The following NDST4 variants were observed in gnomAD, a reference collection of about 807,000 sequenced individuals.
The protein encoded by NDST4 is N-deacetylase and N-sulfotransferase 4, also known as N-heparan sulfate sulfotransferase 4.
A neutral mutation model predicts 100.8 loss-of-function variants in NDST4; 63 were observed. The observed-to-expected ratio is 0.62, with a 90% CI of 0.51 to 0.77. The LOEUF is 0.77. Ranked by LOEUF, NDST4 falls within the 30% of genes least tolerant of loss-of-function variation. The pLI, the probability that NDST4 is intolerant of heterozygous loss-of-function variation, is 0.00. For missense variants in NDST4, 943 were observed against 1,018.4 expected, an observed-to-expected ratio of 0.93 and a Z score of 1.01; for synonymous variants, 377 against 361.8, an observed-to-expected ratio of 1.04 and a Z score of -0.48.
chr4:114,995,632 AT>A (rs1727142683), intron 2 of NDST4, among the ~76,000 whole-genome samples: 1 of 152,046 alleles, frequency 6.6e-6, no homozygotes, highest in Non-Finnish European at 1.5e-5. Flanking sequence ...TGGGAATTTT[AT>A]TTGAATTCTC....
chr4:115,103,613 T>C (rs1017315425), intron 1 of NDST4, among the ~76,000 whole-genome samples: 12 of 151,816 alleles, frequency 7.9e-5, no homozygotes, highest in Admixed American at 2.0e-4. Context: ...CACAAAATGA[T>C]TGGATTATTC....
intron 2 of NDST4, among the ~76,000 whole-genome samples, chr4:115,056,682 T>C (rs764911424): frequency 1.3e-5 from 2 of 152,132 alleles, no homozygotes; most frequent in Non-Finnish European, 2.9e-5. Flanking sequence ...AAAACCAAAC[T>C]CTTCCCTGCA....
intron 2 of NDST4, among the ~76,000 whole-genome samples, chr4:115,017,907 T>C (rs1727721756): frequency 6.6e-6 from 1 of 151,890 alleles, no homozygotes; most frequent in South Asian, 2.1e-4. Flanking sequence ...GTTAGAACAA[T>C]TAGATATTCT....
In NDST4 at chr4:114,827,834, T is replaced by A. The variant is rs764830114; in HGVS notation, c.2601A>T (p.Glu867Asp). The A allele has an allele frequency of 5.0e-6, 8 of 1,611,898 alleles. No homozygotes were observed. The Admixed American group carries it at 1.2e-4, about 24-fold the overall frequency. The part of the protein sequence containing the change: ...GQPLPSWLRQ[E>D]LQKVR ...TCCAGTGCTATCTCACTTTCTGCAG[T>A]TCCTGTCTCAGCCACGATGGCAGAG... Residue 867 changes from glutamate to aspartate, a missense_variant, in exon 14 of 14, where the codon GAA becomes GAT. Transcript: ENST00000264363.
At chr4:115,041,114 T>G (rs1311457232) in intron 2 of NDST4, among the ~76,000 whole-genome samples, 1 of 152,090 alleles carries the variant, frequency 6.6e-6, no homozygotes, top group Non-Finnish European at 1.5e-5. Context: ...CCCTAATGAA[T>G]TAATGCATAG....
chr4:115,039,892 A>G (rs954194238), intron 2 of NDST4, among the ~76,000 whole-genome samples: 2 of 152,118 alleles, frequency 1.3e-5, no homozygotes, highest in East Asian at 1.9e-4. Flanking sequence ...AAAGAGCTCA[A>G]ATAATTCATT....
chr4:114,965,755 A>G (rs1726366139), intron 4 of NDST4, among the ~76,000 whole-genome samples: 1 of 152,090 alleles, frequency 6.6e-6, no homozygotes, highest in Non-Finnish European at 1.5e-5. Flanking sequence ...ACAACAAAAT[A>G]CAATTTTTAA....
intron 2 of NDST4, among the ~76,000 whole-genome samples, chr4:115,011,108 A>T (rs1035256176): frequency 2.6e-5 from 4 of 152,024 alleles, no homozygotes; most frequent in Non-Finnish European, 4.4e-5. Flanking sequence ...TAGATACAAA[A>T]AGGAAATTGA....
chr4:114,991,993 ATCTTTT>A (rs1396655304), intron 2 of NDST4, among the ~76,000 whole-genome samples: 2 of 151,954 alleles, frequency 1.3e-5, no homozygotes, highest in Non-Finnish European at 2.9e-5. Context: ...TAATCAGTAT[ATCTTTT>A]TCTTCAATAC....
chr4:114,922,823 C>G (rs1286744148), intron 6 of NDST4, among the ~76,000 whole-genome samples: 2 of 152,146 alleles, frequency 1.3e-5, no homozygotes, highest in East Asian at 3.9e-4. Flanking sequence ...ACCTATTGAG[C>G]CCATGCTCTA....
At chr4:115,105,956 T>C (rs1317791559) in intron 1 of NDST4, among the ~76,000 whole-genome samples, 1 of 152,158 alleles carries the variant, frequency 6.6e-6, no homozygotes, top group Non-Finnish European at 1.5e-5. Context: ...GCCAGATGTC[T>C]TCTCACATTT....
At chr4:114,880,765 C>T (rs1724350101) in intron 6 of NDST4, among the ~76,000 whole-genome samples, 1 of 152,074 alleles carries the variant, frequency 6.6e-6, no homozygotes, top group Non-Finnish European at 1.5e-5. Context: ...GATTATGATA[C>T]AATGTGAAAT....
At chr4:115,111,575 TTTA>T (rs1252968564) in intron 1 of NDST4, among the ~76,000 whole-genome samples, 1 of 150,694 alleles carries the variant, frequency 6.6e-6, no homozygotes, top group Admixed American at 6.7e-5. Flanking sequence ...TGCATTTTTA[TTTA>T]TTATTTATAT....
rs368421942 is a variant in NDST4, at chr4:114,829,774, A to T, written c.2499+16T>A. 75 of 1,572,236 alleles carry T rather than the reference A, an allele frequency of 4.8e-5. No individual in the cohort carries two copies. The highest frequency in any genetic ancestry group is 5.1e-5 in the Non-Finnish European group (59 of 1,163,354). On this transcript the variant is annotated intron_variant, in intron 13 of 13. Coordinates refer to ENST00000264363, the MANE Select transcript of NDST4 (RefSeq NM_022569.3). ...ATATTTTTGCTAGAGTAATTCAAAG[A>T]TTAAAAAATTATTACCTCTGGATCC...
intron 2 of NDST4, among the ~76,000 whole-genome samples, chr4:115,014,772 C>T: frequency 6.6e-6 from 1 of 152,022 alleles, no homozygotes; most frequent in Non-Finnish European, 1.5e-5. Flanking sequence ...TGTCATCCTC[C>T]TTGGATAACT....
chr4:114,864,671 C>G (rs1723987553), intron 7 of NDST4, among the ~76,000 whole-genome samples: 1 of 152,298 alleles, frequency 6.6e-6, no homozygotes, highest in South Asian at 2.1e-4. Flanking sequence ...TCCATGCAGT[C>G]CCTCAACTTC....
At chr4:114,876,065 T>A (rs1724248489) in intron 6 of NDST4, among the ~76,000 whole-genome samples, 2 of 152,172 alleles carry the variant, frequency 1.3e-5, no homozygotes, top group African/African-American at 4.8e-5. Flanking sequence ...TAGTCAGATA[T>A]TTGGTTCCTA....
intron 3 of NDST4, among the ~76,000 whole-genome samples, chr4:114,973,662 G>T (rs535301927): frequency 2.6e-5 from 4 of 151,820 alleles, no homozygotes; most frequent in Admixed American, 2.6e-4. Context: ...GTATGCTTCT[G>T]AAATTTCTTT....
intron 2 of NDST4, among the ~76,000 whole-genome samples, chr4:114,984,163 T>G (rs538984478): frequency 6.6e-5 from 10 of 150,988 alleles, no homozygotes; most frequent in Admixed American, 6.6e-4. Context: ...TTTATTTATT[T>G]ATTTATTTAT....
Sources: gnomAD v4.1 joint callset for allele counts (sites outside exome capture counted in the v4.1 genomes callset) on GRCh38, gnomAD v4.1.1 for gene constraint, MANE v1.5 for transcripts, NCBI Gene and HGNC (gene_info 2026-07-23, HGNC 2026-07-21) for gene names.